Variants in RCBTB2 observed in about 807,000 individuals in gnomAD.
RCBTB2 encodes RCC1 and BTB domain-containing protein 2.
A neutral mutation model predicts 65.4 loss-of-function variants in RCBTB2; 55 were observed. That is an observed-to-expected ratio of 0.84 (90% CI 0.68 to 1.05). The LOEUF (loss-of-function observed/expected upper bound fraction) is 1.05, where lower values mean the gene tolerates loss of function less well. RCBTB2 is among the 50% of genes least tolerant of loss of function. The probability of loss-of-function intolerance (pLI) is 0.00; values close to 1 mark genes in which losing one functional copy is unlikely to be tolerated. For missense variants in RCBTB2, 599 were observed against 680.1 expected (o/e 0.88, Z 1.33); for synonymous variants, 220 against 255.2 (o/e 0.86, Z 1.31).
At chr13:48,493,343 CTCT>C (rs1457928841) in intron 14 of RCBTB2, among the ~76,000 whole-genome samples, 5 of 75,164 alleles carry the variant, frequency 6.7e-5, no homozygotes, top group Non-Finnish European at 9.6e-5. Flanking sequence ...TCTCTCTCTT[CTCT>C]TCTCTCTCTC....
At position 48,528,463 on chromosome 13, in the gene RCBTB2, A is replaced by G. The variant is rs951478586; in HGVS notation, c.-218-3706T>C. 2.0e-5 allele frequency among the ~76,000 whole-genome samples: 3 copies of G among 152,178 alleles called. No individual in the cohort carries two copies. In the East Asian group the frequency reaches 5.8e-4, roughly 29 times the overall value. On this transcript the variant is annotated intron_variant, in intron 1 of 14. Coordinates refer to ENST00000344532, the MANE Select transcript of RCBTB2 (RefSeq NM_001268.4). ...ATTATCCCATCTGGGTGGGTAACACATTTGATGATGCTTTTATAATCAAAA... is the reference window on the plus strand; with the variant it reads ...ATTATCCCATCTGGGTGGGTAACACGTTTGATGATGCTTTTATAATCAAAA...
At chr13:48,498,384 C>T (rs1950070462) in intron 13 of RCBTB2, among the ~76,000 whole-genome samples, 1 of 152,162 alleles carries the variant, frequency 6.6e-6, no homozygotes, top group African/African-American at 2.4e-5. Flanking sequence ...CATAGGTCTC[C>T]ATTTGGAGTC....
chr13:48,498,879 C>A (rs1950095565), intron 13 of RCBTB2, among the ~76,000 whole-genome samples: 1 of 152,036 alleles, frequency 6.6e-6, no homozygotes, highest in Admixed American at 6.5e-5. Context: ...GTGCAGCCAT[C>A]CTTCTCTCTC....
intron 12 of RCBTB2, among the ~76,000 whole-genome samples, chr13:48,501,155 T>G (rs1346165746): frequency 2.0e-5 from 3 of 152,154 alleles, no homozygotes; most frequent in Admixed American, 2.0e-4. Flanking sequence ...GATGGGAATG[T>G]TCTCTGTCTG....
chr13:48,499,488 G>A, intron 13 of RCBTB2, 133 bp downstream of exon 13: 5 of 898,012 alleles, frequency 5.6e-6, no homozygotes, highest in South Asian at 3.3e-5. Flanking sequence ...AGGGAAACGT[G>A]TTTGGATTCA....
chr13:48,533,844 A>G (rs1949578380), upstream of RCBTB2, among the ~76,000 whole-genome samples: 1 of 152,248 alleles, frequency 6.6e-6, no homozygotes, highest in Non-Finnish European at 1.5e-5. Context: ...CAACAATTAA[A>G]TGTTATTAGC....
intron 4 of RCBTB2, among the ~76,000 whole-genome samples, chr13:48,518,847 A>G (rs1353908620): frequency 6.6e-6 from 1 of 152,162 alleles, no homozygotes; most frequent in Non-Finnish European, 1.5e-5. Flanking sequence ...CCCACCACCC[A>G]ATATCATGAA....
At chr13:48,512,368 T>C (rs932986059) in intron 7 of RCBTB2, among the ~76,000 whole-genome samples, 194 bp from the exon 8 acceptor site, 1 of 152,246 alleles carries the variant, frequency 6.6e-6, no homozygotes, top group African/African-American at 2.4e-5. Flanking sequence ...AATTAGGTTA[T>C]TGGTGTTATC....
In RCBTB2 at chr13:48,512,956, T is replaced by C. The variant is rs527674797; in HGVS notation, c.350-61A>G. ...ACATCTACTTCATTATACGAAAATA[T>C]ATGTAGCACAGCTTCCACAAATGAA... On this transcript the variant is annotated intron_variant, in intron 6 of 14. Coordinates refer to ENST00000344532, the MANE Select transcript of RCBTB2 (RefSeq NM_001268.4). The C allele has an allele frequency of 5.6e-4, 756 of 1,339,256 alleles. 1 individual carries two copies. Among genetic ancestry groups the C allele is most frequent in the Non-Finnish European group, 7.1e-4 (683 of 965,386 alleles). The allele number at this position is 1,339,256 out of a possible 1,614,324, so 83.0% of individuals were successfully genotyped here.
At chr13:48,517,675 G>A (rs1951167577) in intron 4 of RCBTB2, among the ~76,000 whole-genome samples, 1 of 152,112 alleles carries the variant, frequency 6.6e-6, no homozygotes, top group African/African-American at 2.4e-5. Flanking sequence ...TTGTTTTCAG[G>A]TTTCTATCTT....
chr13:48,522,684 A>G (rs552379635), intron 2 of RCBTB2, among the ~76,000 whole-genome samples: 1 of 152,196 alleles, frequency 6.6e-6, no homozygotes, highest in African/African-American at 2.4e-5. Context: ...AAATAAAAAT[A>G]AAATATTCTC....
At chr13:48,514,373 A>C (rs1273429326) in intron 6 of RCBTB2, among the ~76,000 whole-genome samples, 4 of 152,244 alleles carry the variant, frequency 2.6e-5, no homozygotes, top group Non-Finnish European at 4.4e-5. Context: ...ACACAATTTA[A>C]AACTTATGAA....
chr13:48,525,372 TGATATATATATATATATATATA>T (rs1951656969), intron 1 of RCBTB2, among the ~76,000 whole-genome samples: 1 of 67,534 alleles, frequency 1.5e-5, no homozygotes, highest in South Asian at 6.6e-4. Flanking sequence ...AAAGGATTCA[TGATATATATATATATATATATA>T]TATATATATA....
intron 9 of RCBTB2, among the ~76,000 whole-genome samples, chr13:48,511,059 T>A (rs1465596144): frequency 1.3e-5 from 2 of 152,228 alleles, no homozygotes; most frequent in Non-Finnish European, 2.9e-5. Context: ...TTGTATTTTT[T>A]AAATAATTAT....
At chr13:48,490,811 A>G (rs1949667326) in intron 14 of RCBTB2, among the ~76,000 whole-genome samples, 1 of 152,240 alleles carries the variant, frequency 6.6e-6, no homozygotes, top group African/African-American at 2.4e-5. Flanking sequence ...ATATGCCTTC[A>G]ATAATCTCAA....
In RCBTB2 at chr13:48,504,252, T is replaced by C. The variant is rs558991499; in HGVS notation, c.927-1338A>G. 1.1e-4 allele frequency: 113 copies of C among 985,406 alleles called. No individual in the cohort carries two copies. In the South Asian group the frequency reaches 4.7e-3, roughly 41 times the overall value. The allele number at this position is 985,406 out of a possible 1,614,324, so 61.0% of individuals were successfully genotyped here. On this transcript the variant is annotated intron_variant, in intron 10 of 14. Transcript: ENST00000344532. ...CAGTGCTGGCAGGTTAATCATCCTC[T>C]TGGAACACCGTTCTCATCAGAACTT...
chr13:48,511,663 A>C, intron 9 of RCBTB2, 107 bp downstream of exon 9: 4 of 909,096 alleles, frequency 4.4e-6, no homozygotes, highest in Non-Finnish European at 6.6e-6. Flanking sequence ...AAGACATCCA[A>C]GCAGCTAAAC....
chr13:48,522,494 G>C (rs1352102543), intron 2 of RCBTB2, 91 bp from the exon 3 acceptor site: 2 of 677,122 alleles, frequency 3.0e-6, no homozygotes, highest in Admixed American at 5.3e-5. Flanking sequence ...TGAAAAATCT[G>C]AAACAACAGC....
chr13:48,498,006 G>A (rs1272146350), intron 13 of RCBTB2, among the ~76,000 whole-genome samples: 3 of 152,216 alleles, frequency 2.0e-5, no homozygotes, highest in Non-Finnish European at 4.4e-5. Flanking sequence ...CACACTTTGG[G>A]TACCTGGGAA....
Sources: gnomAD v4.1 joint callset for allele counts (sites outside exome capture counted in the v4.1 genomes callset) on GRCh38, gnomAD v4.1.1 for gene constraint, MANE v1.5 for transcripts, NCBI Gene and HGNC (gene_info 2026-07-23, HGNC 2026-07-21) for gene names.